Variants in CD8A observed in about 807,000 individuals in gnomAD.
The protein encoded by CD8A is CD8 subunit alpha.
CD8A carries 25 observed loss-of-function variants against 24.2 expected under a neutral mutation model. That is an observed-to-expected ratio of 1.03 (90% CI 0.75 to 1.44). The LOEUF is 1.44. CD8A is among the 40% of genes most tolerant of loss of function. The pLI, the probability that CD8A is intolerant of heterozygous loss-of-function variation, is 0.00. For missense variants in CD8A, 360 were observed against 319.7 expected (o/e 1.13, Z -0.96); for synonymous variants, 165 against 149.9 (o/e 1.10, Z -0.74).
chr2:86,806,266 C>T (rs538302621), intron 2 of CD8A, among the ~76,000 whole-genome samples: 31 of 152,174 alleles, frequency 2.0e-4, no homozygotes, highest in South Asian at 1.9e-3. Flanking sequence ...GGGAAGGCGT[C>T]TGTTTCCACC....
Position 86,802,461 on chromosome 2 carries a change from T to C in CD8A, c.-417-804A>G, listed in dbSNP as rs1017915374. ...TCTAAGACTTTTAATATTTAGAAAC[T>C]TATGGTTGCAGGAAATTAAAAATTC... On this transcript the variant is annotated intron_variant, in intron 2 of 8. Coordinates refer to the CD8A transcript ENST00000409511. Among the ~76,000 whole-genome samples the C allele has an allele frequency of 5.3e-5, 8 of 152,202 alleles. No homozygotes were observed. In the South Asian group the frequency reaches 1.7e-3, roughly 31 times the overall value.
chr2:86,801,718 CTATT>C (rs1337436377), intron 2 of CD8A: 2 of 152,052 alleles, frequency 1.3e-5, no homozygotes, highest in Non-Finnish European at 2.9e-5. Context: ...ACAAAGCCAA[CTATT>C]TATTTATGGA....
upstream of CD8A, among the ~76,000 whole-genome samples, chr2:86,794,674 T>C (rs542514500): frequency 9.8e-5 from 15 of 152,318 alleles, no homozygotes; most frequent in African/African-American, 3.6e-4. Context: ...ATTTCTGCTC[T>C]GGTCCCTTCT....
chr2:86,791,082 G>A (rs1328925374), upstream of CD8A: 2 of 696,748 alleles, frequency 2.9e-6, no homozygotes, highest in Non-Finnish European at 5.2e-6. Context: ...CAGGCAACTG[G>A]GGGCAGCTGA....
intron 4 of CD8A, among the ~76,000 whole-genome samples, chr2:86,789,092 C>T (rs1042979398): frequency 4.6e-5 from 7 of 152,316 alleles, no homozygotes; most frequent in African/African-American, 1.7e-4. Context: ...CCCGCTGCAG[C>T]GGCTCTGGGA....
upstream of CD8A, among the ~76,000 whole-genome samples, chr2:86,792,005 CAT>C (rs908381638): frequency 7.2e-5 from 11 of 152,152 alleles, no homozygotes; most frequent in African/African-American, 2.4e-4. Flanking sequence ...GTCCCTAACA[CAT>C]GTGTGTCCCC....
chr2:86,801,350 C>T (rs1277824314), intron 3 of CD8A, among the ~76,000 whole-genome samples: 1 of 151,322 alleles, frequency 6.6e-6, no homozygotes, highest in Non-Finnish European at 1.5e-5. Context: ...CCCTTTCTCC[C>T]TTTCTCTCTC....
chr2:86,799,659 G>C (rs1041032746), intron 3 of CD8A, among the ~76,000 whole-genome samples: 1 of 152,120 alleles, frequency 6.6e-6, no homozygotes, highest in African/African-American at 2.4e-5. Context: ...GGGAGGCTGC[G>C]GCAGGAGAAT....
chr2:86,785,887 A>C lies in CD8A; in HGVS notation c.*33T>G. On this transcript the variant is annotated 3_prime_UTR_variant, in exon 6 of 6. Coordinates refer to ENST00000283635, the MANE Select transcript of CD8A (RefSeq NM_001768.7). ...TTGCTCCCTCAAAAGGAAGGATCTC[A>C]GTTTGAAGTAATGTAGTGGCTGTTG... 6.6e-7 allele frequency: 1 copy of C among 1,515,264 alleles called. No individual in the cohort carries two copies. The highest frequency in any genetic ancestry group is 1.1e-5 in the South Asian group (1 of 89,108). The allele number at this position is 1,515,264 out of a possible 1,614,324, so 93.9% of individuals were successfully genotyped here. A position where few individuals can be genotyped will look rare whatever the true frequency, so the allele number is the denominator to read the frequency against.
At chr2:86,787,071 T>TCCCC (rs1241941428) in intron 5 of CD8A, among the ~76,000 whole-genome samples, 1 of 107,564 alleles carries the variant, frequency 9.3e-6, no homozygotes, top group African/African-American at 3.5e-5. Context: ...GCTAAAAACT[T>TCCCC]CCCCCCCCAC....
chr2:86,802,123 C>T (rs961795086), intron 2 of CD8A, among the ~76,000 whole-genome samples: 13 of 151,818 alleles, frequency 8.6e-5, no homozygotes, highest in Admixed American at 5.9e-4. Context: ...CTGCAACCTC[C>T]GCCTCCTGGA....
intron 2 of CD8A, among the ~76,000 whole-genome samples, chr2:86,802,139 G>A (rs993296690): frequency 6.6e-6 from 1 of 152,144 alleles, no homozygotes; most frequent in African/African-American, 2.4e-5. Flanking sequence ...CTGGATTCAA[G>A]TGAGTCTCTT....
intron 2 of CD8A, 141 bp from the exon 3 acceptor site, chr2:86,789,891 G>A: frequency 1.7e-6 from 1 of 574,286 alleles, no homozygotes; most frequent in Non-Finnish European, 2.9e-6. Context: ...ACAGGATGGG[G>A]ACCCCGGGAT....
chr2:86,785,747 T>A lies in CD8A; in HGVS notation c.*173A>T, dbSNP rs1249242689. On this transcript the variant is annotated 3_prime_UTR_variant, in exon 6 of 6. Coordinates refer to ENST00000283635, the MANE Select transcript of CD8A (RefSeq NM_001768.7). ...GTACTGTAGATTTTACCTAGTTTTG[T>A]TTCCCGTCAAACACATAAAGAAAAA... is the stretch of plus-strand genomic sequence containing the variant. 1.3e-6 allele frequency: 1 copy of A among 765,792 alleles called. No individual in the cohort carries two copies. Among genetic ancestry groups the A allele is most frequent in the Admixed American group, 1.8e-5 (1 of 56,668 alleles). 47.4% of individuals were successfully genotyped at this position (765,792 alleles called of 1,614,324 possible).
intron 4 of CD8A, 129 bp downstream of exon 4, chr2:86,789,194 T>A: frequency 1.4e-6 from 1 of 739,294 alleles, no homozygotes; most frequent in East Asian, 2.6e-5. Context: ...TGCCTGTACC[T>A]GCGGGGCAGC....
chr2:86,791,299 A>C, upstream of CD8A: 1 of 360,496 alleles, frequency 2.8e-6, no homozygotes, highest in Non-Finnish European at 5.4e-6. Context: ...TATTGGCAAA[A>C]TGGGCACTGA....
At chr2:86,808,116 C>G (rs532983485) in intron 1 of CD8A, 3 of 152,484 alleles carry the variant, frequency 2.0e-5, no homozygotes, top group African/African-American at 7.2e-5. Flanking sequence ...CCCATGAATT[C>G]ACCTTTCTGT....
chr2:86,801,181 G>A (rs1331405432), intron 3 of CD8A, among the ~76,000 whole-genome samples: 1 of 152,172 alleles, frequency 6.6e-6, no homozygotes, highest in Non-Finnish European at 1.5e-5. Flanking sequence ...CACCTAGTTT[G>A]TGGTACTTTG....
intron 2 of CD8A, 57 bp from the exon 3 acceptor site, chr2:86,789,807 G>T: frequency 3.7e-6 from 4 of 1,072,032 alleles, no homozygotes; most frequent in South Asian, 2.6e-5. Flanking sequence ...AGGCGCCCCA[G>T]CCCCGGCCTC....
Sources: gnomAD v4.1 joint callset for allele counts (sites outside exome capture counted in the v4.1 genomes callset) on GRCh38, gnomAD v4.1.1 for gene constraint, MANE v1.5 for transcripts, NCBI Gene and HGNC (gene_info 2026-07-23, HGNC 2026-07-21) for gene names.